Variants in DNAH7 observed in about 807,000 individuals in gnomAD.
DNAH7 encodes the protein axonemal beta dynein heavy chain 7.
In DNAH7, 397 loss-of-function variants were observed where a neutral mutation model predicts 444.6. That is an observed-to-expected ratio of 0.89 (90% CI 0.82 to 0.97). The LOEUF (loss-of-function observed/expected upper bound fraction) is 0.97, where lower values mean the gene tolerates loss of function less well. Ranked by LOEUF, DNAH7 falls within the 50% of genes least tolerant of loss-of-function variation. The pLI, the probability that DNAH7 is intolerant of heterozygous loss-of-function variation, is 0.00. For synonymous variants in DNAH7, 1,636 were observed against 1,624.4 expected (o/e 1.01, Z -0.17); for missense variants, 4,902 against 4,800.8 (o/e 1.02, Z -0.62).
At chr2:195,781,976 TACACACACACAC>T (rs59244207) in intron 58 of DNAH7, among the ~76,000 whole-genome samples, 76 of 129,834 alleles carry the variant, frequency 5.9e-4, no homozygotes, top group African/African-American at 1.8e-3. Flanking sequence ...GTGGGTCTTA[TACACACACACAC>T]ACACACACAC....
intron 51 of DNAH7, among the ~76,000 whole-genome samples, chr2:195,810,793 T>C (rs1326095452): frequency 2.0e-5 from 3 of 152,198 alleles, no homozygotes; most frequent in African/African-American, 7.2e-5. Context: ...GTTGCTAAAA[T>C]ACAGTTGAAT....
At chr2:195,931,291 T>C (rs1688677113) in intron 21 of DNAH7, among the ~76,000 whole-genome samples, 2 of 152,188 alleles carry the variant, frequency 1.3e-5, no homozygotes, top group Admixed American at 6.5e-5. Context: ...CTTGTAAATT[T>C]GTTTGAGTTC....
At position 195,874,694 on chromosome 2, in the gene DNAH7, T is replaced by C. The variant is rs563894297; in HGVS notation, c.6286+981A>G. 8.2e-4 allele frequency among the ~76,000 whole-genome samples: 125 copies of C among 152,032 alleles called. 1 individual carries two copies. The highest frequency in any genetic ancestry group is 3.4e-3 in the Middle Eastern group (1 of 294). On this transcript the variant is annotated intron_variant, in intron 38 of 64. Coordinates refer to ENST00000312428, the MANE Select transcript of DNAH7 (RefSeq NM_018897.3). ...AAAATTAGCCATGCATGGTGATGCATGCCTGTAGTCCTAGCTGCTCAGGAG... is the reference window on the plus strand; with the variant it reads ...AAAATTAGCCATGCATGGTGATGCACGCCTGTAGTCCTAGCTGCTCAGGAG...
At chr2:195,804,003 C>A (rs1350465457) in intron 54 of DNAH7, among the ~76,000 whole-genome samples, 1 of 152,080 alleles carries the variant, frequency 6.6e-6, no homozygotes, top group Non-Finnish European at 1.5e-5. Flanking sequence ...GTTAGAGGGC[C>A]TGCTATTTGT....
Position 195,834,272 on chromosome 2 carries a change from C to T in DNAH7, c.9034G>A (p.Val3012Met). 6.2e-7 allele frequency: 1 copy of T among 1,609,906 alleles called. No homozygotes were observed. The highest frequency in any genetic ancestry group is 8.5e-7 in the Non-Finnish European group (1 of 1,176,582). The change falls in exon 48 of 65, where the codon GTG becomes ATG. Residue 3012 changes from valine to methionine, a missense_variant. Val to Met is a conservative substitution (Grantham distance 21). Transcript: ENST00000312428. ...KNMEKANSLY[V>M]IKLSEPDYVR... ...TAGTCAGGTTCACTAAGTTTAATCA[C>T]ATAAAGACTATTGGCTTTTTCCATG...
chr2:195,941,308 G>A (rs1213010475), intron 19 of DNAH7, among the ~76,000 whole-genome samples: 1 of 151,936 alleles, frequency 6.6e-6, no homozygotes, highest in African/African-American at 2.4e-5. Context: ...ACTCATAAAC[G>A]GGAGTTGAAC....
In DNAH7 at chr2:195,871,433, G is replaced by C. The variant is rs531485120; in HGVS notation, c.6633+817C>G. ...CCCGCCTCAGCCTCCTGAAGTGCTG[G>C]GATTACAGGCATGAGCCTCCTCTAC... On this transcript the variant is annotated intron_variant, in intron 40 of 64. Coordinates refer to ENST00000312428, the MANE Select transcript of DNAH7 (RefSeq NM_018897.3). 2.0e-5 allele frequency among the ~76,000 whole-genome samples: 3 copies of C among 152,072 alleles called. No homozygotes were observed. The South Asian group carries it at 6.2e-4, about 32-fold the overall frequency.
At chr2:195,933,097 G>T (rs1261582634) in intron 21 of DNAH7, among the ~76,000 whole-genome samples, 1 of 152,054 alleles carries the variant, frequency 6.6e-6, no homozygotes, top group Non-Finnish European at 1.5e-5. Context: ...CAATTTCAGA[G>T]GCTGTTATTG....
intron 40 of DNAH7, among the ~76,000 whole-genome samples, chr2:195,868,145 G>T (rs1302557573): frequency 7.0e-6 from 1 of 143,428 alleles, no homozygotes; most frequent in Non-Finnish European, 1.5e-5. Context: ...ACCCAGGTTG[G>T]AGTGCAGTGG....
intron 36 of DNAH7, among the ~76,000 whole-genome samples, chr2:195,879,681 CTTGT>C (rs776973131): frequency 5.0e-4 from 76 of 152,034 alleles, no homozygotes; most frequent in Non-Finnish European, 5.2e-4. Flanking sequence ...ATAAAAACTA[CTTGT>C]TTGTTTATTC....
chr2:196,053,187 T>C (rs966005124), intron 2 of DNAH7, among the ~76,000 whole-genome samples: 4 of 152,216 alleles, frequency 2.6e-5, no homozygotes. Context: ...GCAGAGGTTA[T>C]GTTTGAATAG....
At chr2:196,040,110 A>G (rs1323813268) in intron 5 of DNAH7, among the ~76,000 whole-genome samples, 3 of 152,124 alleles carry the variant, frequency 2.0e-5, no homozygotes, top group Admixed American at 6.5e-5. Flanking sequence ...AAAGCCCAAC[A>G]CTGGATAACT....
Position 195,936,765 on chromosome 2 carries a change from T to C in DNAH7, c.3106A>G (p.Ile1036Val), listed in dbSNP as rs1362606681. ...TTCAGCCTTTCCAGCATTCTGTCAA[T>C]GGTTACAACTGTCAGAACATGTTTA... ...QDKHVLTVVT[I>V]DRMLERLKKS... Residue 1036 changes from isoleucine (I) to valine (V), a missense_variant, in exon 20 of 65, where the codon ATT becomes GTT. Physicochemically the swap from Ile to Val is conservative, Grantham distance 29 (BLOSUM62 3). Transcript: ENST00000312428. 4.5e-6 allele frequency: 7 copies of C among 1,560,978 alleles called. No homozygotes were observed. The highest frequency in any genetic ancestry group is 6.0e-6 in the Non-Finnish European group (7 of 1,158,694).
intron 51 of DNAH7, among the ~76,000 whole-genome samples, chr2:195,814,343 T>C (rs1180326109): frequency 1.3e-5 from 2 of 152,250 alleles, no homozygotes; most frequent in Non-Finnish European, 2.9e-5. Flanking sequence ...CACATTTTGT[T>C]TTCTAAATTT....
chr2:195,867,562 A>C (rs1183435927), intron 40 of DNAH7, among the ~76,000 whole-genome samples: 3 of 152,178 alleles, frequency 2.0e-5, no homozygotes, highest in Non-Finnish European at 2.9e-5. Flanking sequence ...CCCCAGAAAG[A>C]AACCTGGTAC....
rs760234441 is a variant in DNAH7 at position 195,873,639 on chromosome 2, T to G, written c.6342A>C (p.Thr2114=). 98 of 1,531,508 alleles carry G rather than the reference T, an allele frequency of 6.4e-5. No homozygotes were observed. Among genetic ancestry groups the G allele is most frequent in the Non-Finnish European group, 8.3e-5 (95 of 1,143,710 alleles). 94.9% of individuals were successfully genotyped at this position (1,531,508 alleles called of 1,614,324 possible). A position where few individuals can be genotyped will look rare whatever the true frequency, so the allele number is the denominator to read the frequency against. ...PRYMRHFNII[T]INEFSDKSMY... is the part of the protein sequence containing the mutation. ...TGGATTTATCACTAAACTCATTGAT[T>G]GTTATAATATTGAAATGTCGCATGT... is the stretch of plus-strand genomic sequence containing the variant. The change falls in exon 39 of 65, where the codon ACA becomes ACC. Residue 2114 remains threonine (T), a synonymous_variant. Coordinates refer to ENST00000312428, the MANE Select transcript of DNAH7 (RefSeq NM_018897.3).
chr2:196,012,607 A>G (rs1469434191), intron 10 of DNAH7, among the ~76,000 whole-genome samples, 180 bp downstream of exon 10: 2 of 152,196 alleles, frequency 1.3e-5, no homozygotes, highest in Non-Finnish European at 2.9e-5. Context: ...TGCACAATCT[A>G]CGCTGTGTAG....
intron 63 of DNAH7, among the ~76,000 whole-genome samples, chr2:195,746,899 G>A (rs964868466): frequency 6.6e-6 from 1 of 152,084 alleles, no homozygotes; most frequent in Admixed American, 6.6e-5. Flanking sequence ...AAGTAGGAAA[G>A]ATCCAAAATT....
chr2:196,025,211 A>G (rs1348717211), intron 7 of DNAH7, among the ~76,000 whole-genome samples: 1 of 152,136 alleles, frequency 6.6e-6, no homozygotes, highest in East Asian at 1.9e-4. Flanking sequence ...GAACAACAGT[A>G]TTGCCTTGTT....
Sources: allele counts gnomAD v4.1 joint callset (sites outside exome capture counted in the v4.1 genomes callset), GRCh38; gene constraint gnomAD v4.1.1; transcripts MANE v1.5; gene names NCBI Gene and HGNC (gene_info 2026-07-23, HGNC 2026-07-21).